PTPN5: variants seen among roughly 807,000 people sequenced by gnomAD.
PTPN5 encodes the protein tyrosine-protein phosphatase non-receptor type 5.
Under a neutral mutation model 73.9 loss-of-function variants are expected in PTPN5, and 29 were observed. The ratio of observed to expected loss-of-function variants is 0.39; its 90% CI spans 0.29 to 0.54. The LOEUF is 0.54. Among genes scored for constraint, PTPN5 ranks in the 20% least tolerant of loss-of-function variants. The pLI, the probability that PTPN5 is intolerant of heterozygous loss-of-function variation, is 0.65. For missense variants in PTPN5, 652 were observed against 751.4 expected, an observed-to-expected ratio of 0.87 and a Z score of 1.55; for synonymous variants, 267 against 304.7, an observed-to-expected ratio of 0.88 and a Z score of 1.29.
intron 1 of PTPN5, among the ~76,000 whole-genome samples, chr11:18,772,689 C>T (rs1850959172): frequency 6.6e-6 from 1 of 152,186 alleles, no homozygotes; most frequent in Non-Finnish European, 1.5e-5. Flanking sequence ...AACAGTTGTC[C>T]ATTTTTCATT....
At chr11:18,731,374 T>C (rs1848869928) in intron 12 of PTPN5, among the ~76,000 whole-genome samples, 1 of 151,852 alleles carries the variant, frequency 6.6e-6, no homozygotes, top group Non-Finnish European at 1.5e-5. Context: ...AAGGAAAGAG[T>C]CCAAGCTTTG....
At chr11:18,750,132 C>T (rs914730893) in intron 3 of PTPN5, among the ~76,000 whole-genome samples, 7 of 152,152 alleles carry the variant, frequency 4.6e-5, no homozygotes, top group African/African-American at 1.4e-4. Flanking sequence ...CCACAGCCAG[C>T]CAAGGGCAGA....
intron 1 of PTPN5, among the ~76,000 whole-genome samples, chr11:18,788,815 G>A (rs1413786752): frequency 6.6e-6 from 1 of 152,136 alleles, no homozygotes; most frequent in Non-Finnish European, 1.5e-5. Context: ...TGCACCCTTA[G>A]ATAAGTGAAA....
chr11:18,763,697 A>G (rs936792793), intron 3 of PTPN5, among the ~76,000 whole-genome samples: 3 of 152,220 alleles, frequency 2.0e-5, no homozygotes, highest in Admixed American at 6.5e-5. Flanking sequence ...TTACCTCTAT[A>G]TATCTAGCAC....
intron 1 of PTPN5, among the ~76,000 whole-genome samples, chr11:18,782,726 T>C (rs1310574660): frequency 6.6e-6 from 1 of 152,226 alleles, no homozygotes; most frequent in Non-Finnish European, 1.5e-5. Context: ...CAAAATGCAC[T>C]GAACAGAACA....
intron 3 of PTPN5, among the ~76,000 whole-genome samples, chr11:18,756,916 T>G (rs1355928942): frequency 7.7e-5 from 9 of 116,904 alleles, no homozygotes; most frequent in Non-Finnish European, 1.5e-4. Context: ...AGAGCAAGAC[T>G]CCATCAAAAA....
At chr11:18,750,553 C>G (rs1849841580) in intron 3 of PTPN5, among the ~76,000 whole-genome samples, 1 of 152,194 alleles carries the variant, frequency 6.6e-6, no homozygotes, top group South Asian at 2.1e-4. Context: ...ACTTCTTGTT[C>G]ATAGGATTGT....
Position 18,743,594 on chromosome 11 carries a change from G to C in PTPN5, c.292-165C>G, listed in dbSNP as rs1849476479. 1.4e-5 allele frequency: 9 copies of C among 638,040 alleles called. 1 individual carries two copies. The South Asian group carries it at 1.7e-4, about 12-fold the overall frequency. 39.5% of individuals were successfully genotyped at this position (638,040 alleles called of 1,614,324 possible). A position where few individuals can be genotyped will look rare whatever the true frequency, so the allele number is the denominator to read the frequency against. On this transcript the variant is annotated intron_variant, in intron 4 of 14. Transcript: ENST00000358540. The stretch of plus-strand genomic sequence containing the variant: ...AGGGCCCCGGTGCTGCGTGCCCGGG[G>C]AGGCCTCAGGACTCTCCTTGGAGAA...
rs1023197407 is a variant in PTPN5 at position 18,766,757 on chromosome 11, G to T, written c.21-874C>A. 2.0e-5 allele frequency among the ~76,000 whole-genome samples: 3 copies of T among 152,214 alleles called. No homozygotes were observed. In the East Asian group the frequency reaches 5.8e-4, roughly 29 times the overall value. ...CCCTACCCTGGGAATGGCCTGAAAT[G>T]CAGCGTGGGCTCCAGTGGCCTTGTC... On this transcript the variant is annotated intron_variant, in intron 2 of 14. Coordinates refer to ENST00000358540, the MANE Select transcript of PTPN5 (RefSeq NM_006906.2).
intron 1 of PTPN5, among the ~76,000 whole-genome samples, chr11:18,788,622 G>A (rs558841593): frequency 5.9e-5 from 9 of 152,336 alleles, no homozygotes; most frequent in African/African-American, 1.2e-4. Flanking sequence ...CCAAGAAGCC[G>A]TTACTGACCT....
intron 3 of PTPN5, among the ~76,000 whole-genome samples, chr11:18,756,936 ACC>A (rs1491557380): frequency 0.012 from 1,404 of 120,938 alleles, 30 homozygotes; most frequent in Admixed American, 0.047. Flanking sequence ...AAAAAAAAAA[ACC>A]AAAAAACAAA....
intron 3 of PTPN5, 26 bp downstream of exon 3, chr11:18,765,781 A>G: frequency 6.7e-7 from 1 of 1,495,874 alleles, no homozygotes; most frequent in Non-Finnish European, 9.1e-7. Flanking sequence ...GAGGTCTGGG[A>G]GGAGCTGGGT....
intron 8 of PTPN5, 57 bp from the exon 9 acceptor site, chr11:18,738,021 C>A: frequency 6.9e-7 from 1 of 1,450,366 alleles, no homozygotes; most frequent in Non-Finnish European, 9.7e-7. Context: ...ATGTTTGAAT[C>A]CAGGGGCTGC....
intron 3 of PTPN5, among the ~76,000 whole-genome samples, chr11:18,748,718 T>A (rs7120579): frequency 0.051 from 7,788 of 152,236 alleles, 636 homozygotes; most frequent in African/African-American, 0.18. Flanking sequence ...CCTGCCACTC[T>A]GGTTTTAGTC....
chr11:18,729,391 TC>T lies in PTPN5; in HGVS notation c.1604+61del. The T allele has an allele frequency of 2.4e-6, 2 of 823,212 alleles. No individual in the cohort carries two copies. Among genetic ancestry groups the T allele is most frequent in the Non-Finnish European group, 4.2e-6 (2 of 479,094 alleles). The allele number at this position is 823,212 out of a possible 1,614,324, so 51.0% of individuals were successfully genotyped here. A position where few individuals can be genotyped will look rare whatever the true frequency, so the allele number is the denominator to read the frequency against. On this transcript the variant is annotated intron_variant, in intron 14 of 14. Transcript: ENST00000358540. This position sits in a 1 kb window ranked among gnomAD's most constrained non-coding sequence, Gnocchi z 5.2. ...CCCCGCCCATGCACATGTGGGTCTCTCCCTCTACCCGCTCGGGGCTCTAGCT... is the reference window on the plus strand; with the variant it reads ...CCCCGCCCATGCACATGTGGGTCTCTCCTCTACCCGCTCGGGGCTCTAGCT...
chr11:18,760,819 G>A (rs1850353959), intron 3 of PTPN5, among the ~76,000 whole-genome samples: 1 of 152,246 alleles, frequency 6.6e-6, no homozygotes, highest in Non-Finnish European at 1.5e-5. Context: ...TAGGGCTCAG[G>A]AGATATACTC....
chr11:18,746,057 C>T (rs1285954691), intron 3 of PTPN5, among the ~76,000 whole-genome samples: 4 of 150,484 alleles, frequency 2.7e-5, no homozygotes, highest in African/African-American at 9.8e-5. Context: ...TAAATGTTTA[C>T]TAAATGAGTG....
chr11:18,743,685 A>G (rs1849479764), intron 4 of PTPN5: 2 of 581,754 alleles, frequency 3.4e-6, no homozygotes, highest in African/African-American at 3.7e-5. Flanking sequence ...TGTACATCAA[A>G]AGAGTAGTCT....
At chr11:18,754,515 C>A (rs1042236745) in intron 3 of PTPN5, among the ~76,000 whole-genome samples, 1 of 152,154 alleles carries the variant, frequency 6.6e-6, no homozygotes, top group East Asian at 1.9e-4. Context: ...CCATTAAGAT[C>A]CCTAGGGTTG....
Sources: allele counts gnomAD v4.1 joint callset (sites outside exome capture counted in the v4.1 genomes callset), GRCh38; gene constraint gnomAD v4.1.1; non-coding constraint Gnocchi (gnomAD v3.1); transcripts MANE v1.5; gene names NCBI Gene and HGNC (gene_info 2026-07-23, HGNC 2026-07-21).